HECTD4: variants seen among roughly 807,000 people sequenced by gnomAD.
HECTD4 encodes probable E3 ubiquitin-protein ligase HECTD4.
HECTD4 carries 114 observed loss-of-function variants against 471.5 expected under a neutral mutation model. That is an observed-to-expected ratio of 0.24 (90% confidence interval 0.21 to 0.28). The LOEUF (loss-of-function observed/expected upper bound fraction) is 0.28, where lower values mean the gene tolerates loss of function less well. Among genes scored for constraint, HECTD4 ranks in the 10% least tolerant of loss-of-function variants. The pLI, the probability that HECTD4 is intolerant of heterozygous loss-of-function variation, is 1.00. For synonymous variants in HECTD4, 2,012 were observed against 2,256.0 expected (o/e 0.89, Z 3.07); for missense variants, 3,866 against 5,651.5 (o/e 0.68, Z 10.13).
chr12:112,361,007 ATC>A (rs1195535109), intron 1 of HECTD4, among the ~76,000 whole-genome samples: 96 of 151,830 alleles, frequency 6.3e-4, no homozygotes, highest in Non-Finnish European at 9.6e-4. Context: ...AAAAGGTAAG[ATC>A]AAAACAGTAT....
rs763464276 is a variant in HECTD4, at chr12:112,243,574, A to G, written c.4791+46T>C. On this transcript the variant is annotated intron_variant, in intron 31 of 75. Coordinates refer to ENST00000682272, the MANE Select transcript of HECTD4 (RefSeq NM_001388303.1). This position sits in a 1 kb window ranked among gnomAD's most constrained non-coding sequence, Gnocchi z 6.6. ...CCTGCTAACTGCCGCAAGACCCCGC[A>G]TGCTGTTAGGTGCTATTCATCTGGA... The G allele has an allele frequency of 6.2e-7, 1 of 1,603,200 alleles. No individual in the cohort carries two copies. Among genetic ancestry groups the G allele is most frequent in the Non-Finnish European group, 8.5e-7 (1 of 1,174,298 alleles).
chr12:112,268,117 C>T (rs1724235497), intron 13 of HECTD4, among the ~76,000 whole-genome samples: 1 of 152,220 alleles, frequency 6.6e-6, no homozygotes, highest in African/African-American at 2.4e-5. Context: ...AGCTAACACA[C>T]TCAGCCTCTT....
At chr12:112,293,051 G>A (rs1055726590) in intron 7 of HECTD4, among the ~76,000 whole-genome samples, 2 of 151,106 alleles carry the variant, frequency 1.3e-5, no homozygotes, top group African/African-American at 4.9e-5. Context: ...TTTCATGAGG[G>A]ATGTTATTGA....
At chr12:112,201,749 C>G in intron 54 of HECTD4, among the ~76,000 whole-genome samples, 1 of 152,060 alleles carries the variant, frequency 6.6e-6, no homozygotes, top group Non-Finnish European at 1.5e-5. Context: ...TGCTATATTT[C>G]CAGCGCAAAC....
chr12:112,308,006 T>C (rs1210878697), intron 6 of HECTD4, among the ~76,000 whole-genome samples: 1 of 152,282 alleles, frequency 6.6e-6, no homozygotes, highest in South Asian at 2.1e-4. Flanking sequence ...TCAGTTTCCT[T>C]ATCTGTAAGA....
intron 21 of HECTD4, 35 bp downstream of exon 21, chr12:112,256,285 G>A (rs1304031996): frequency 2.8e-6 from 4 of 1,411,676 alleles, no homozygotes; most frequent in African/African-American, 1.5e-5. Context: ...CAGCTTACTC[G>A]AGGTGGAACC....
chr12:112,261,555 C>A, intron 17 of HECTD4, 126 bp from the exon 18 acceptor site: 1 of 968,264 alleles, frequency 1.0e-6, no homozygotes, highest in Non-Finnish European at 1.5e-6. Flanking sequence ...CAGAATAAGC[C>A]CAAAGCAGTA....
At chr12:112,252,968 C>A (rs1003132344) in intron 22 of HECTD4, among the ~76,000 whole-genome samples, 2 of 151,942 alleles carry the variant, frequency 1.3e-5, no homozygotes, top group Non-Finnish European at 2.9e-5. Flanking sequence ...CAGAACCATG[C>A]CCAGCTAATT....
At chr12:112,296,846 G>A (rs2035036110) in intron 7 of HECTD4, among the ~76,000 whole-genome samples, 1 of 150,188 alleles carries the variant, frequency 6.7e-6, no homozygotes, top group South Asian at 2.1e-4. Context: ...GAGGTGCAGT[G>A]GATGTAGGTG....
rs1434453872 is a variant in HECTD4, at chr12:112,188,150, A to G, written c.9472+2636T>C. Among the ~76,000 whole-genome samples, 1 of 151,980 alleles carries G rather than the reference A, an allele frequency of 6.6e-6. No homozygotes were observed. The highest frequency in any genetic ancestry group is 2.4e-5 in the African/African-American group (1 of 41,400). On this transcript the variant is annotated intron_variant, in intron 60 of 75. Transcript: ENST00000682272. The surrounding 1 kb of genome is among the most constrained non-coding windows in gnomAD (Gnocchi z 4.2). ...AAAAATACAAAAAAATTAGCTGGGC[A>G]TGGTAGCGGGCGCCTGTATTCCCAA... is the stretch of plus-strand genomic sequence containing the variant.
intron 32 of HECTD4, among the ~76,000 whole-genome samples, chr12:112,240,983 C>T (rs1356855422): frequency 6.6e-6 from 1 of 152,002 alleles, no homozygotes; most frequent in Non-Finnish European, 1.5e-5. Context: ...TTTATAAAAG[C>T]AAAAACAAGA....
intron 55 of HECTD4, among the ~76,000 whole-genome samples, chr12:112,196,469 G>C (rs1412824768): frequency 6.6e-6 from 1 of 152,130 alleles, no homozygotes; most frequent in East Asian, 1.9e-4. Flanking sequence ...CATTAACAAA[G>C]CACATGAGGA....
intron 29 of HECTD4, among the ~76,000 whole-genome samples, chr12:112,246,303 T>C (rs2033759929): frequency 6.6e-6 from 1 of 152,142 alleles, no homozygotes; most frequent in Non-Finnish European, 1.5e-5. Context: ...TGTTGACTAA[T>C]TGTATATGTT....
chr12:112,166,715 A>G lies in HECTD4; in HGVS notation c.12534+602T>C, dbSNP rs1314606833. ...TCCGCCCTCCAACATGAAGGAGACGAGCCTGGACACTCCCTGAGGACAGGG... is the reference window on the plus strand; with the variant it reads ...TCCGCCCTCCAACATGAAGGAGACGGGCCTGGACACTCCCTGAGGACAGGG... On this transcript the variant is annotated intron_variant, in intron 72 of 75. Coordinates refer to ENST00000682272, the MANE Select transcript of HECTD4 (RefSeq NM_001388303.1). This position sits in a 1 kb window ranked among gnomAD's most constrained non-coding sequence, Gnocchi z 4.6. 2.6e-5 allele frequency: 4 copies of G among 152,312 alleles called. No individual in the cohort carries two copies. The highest frequency in any genetic ancestry group is 9.7e-5 in the African/African-American group (4 of 41,434). The allele number at this position is 152,312 out of a possible 1,614,324, so 9.4% of individuals were successfully genotyped here.
intron 1 of HECTD4, among the ~76,000 whole-genome samples, chr12:112,350,966 T>C (rs2036239336): frequency 6.6e-6 from 1 of 152,222 alleles, no homozygotes; most frequent in East Asian, 1.9e-4. Flanking sequence ...AAGAGCTTAA[T>C]TCCATGTCAG....
At chr12:112,379,727 A>T (rs879857005) in intron 1 of HECTD4, among the ~76,000 whole-genome samples, 1 of 150,420 alleles carries the variant, frequency 6.6e-6, no homozygotes, top group Non-Finnish European at 1.5e-5. Context: ...TTATATATAT[A>T]TATATATATG....
chr12:112,373,385 T>G lies in HECTD4; in HGVS notation c.177+8567A>C, dbSNP rs575205366. 2.0e-5 allele frequency among the ~76,000 whole-genome samples: 3 copies of G among 151,794 alleles called. No individual in the cohort carries two copies. In the East Asian group the frequency reaches 5.9e-4, roughly 30 times the overall value. On this transcript the variant is annotated intron_variant, in intron 1 of 75. Coordinates refer to ENST00000682272, the MANE Select transcript of HECTD4 (RefSeq NM_001388303.1). ...CCGTCTCTACTAAAAATACAAAAAA[T>G]AGCCAGGTGTGGTGGCACGGGAGTT...
At chr12:112,258,636 G>T in intron 19 of HECTD4, 40 bp from the exon 20 acceptor site, 1 of 1,516,666 alleles carries the variant, frequency 6.6e-7, no homozygotes, top group Non-Finnish European at 8.9e-7. Flanking sequence ...CAGGGCTACT[G>T]TCAGTTATCT....
At position 112,171,253 on chromosome 12, in the gene HECTD4, G is replaced by A. The variant is rs775401724; in HGVS notation, c.11796C>T (p.Ile3932=). 9.3e-6 allele frequency: 15 copies of A among 1,605,528 alleles called. No individual in the cohort carries two copies. The highest frequency in any genetic ancestry group is 4.5e-5 in the South Asian group (4 of 89,562). Residue 3932 remains isoleucine, a synonymous_variant, in exon 68 of 76, where the codon ATC becomes ATT. Coordinates refer to ENST00000682272, the MANE Select transcript of HECTD4 (RefSeq NM_001388303.1). ...PRVACLLNVP[I]ESLRLRFALL... The stretch of plus-strand genomic sequence containing the variant: ...AGGCGAAGCGCAGGCGCAGGCTCTC[G>A]ATGGGCACGTCTGAGGGCGCAGGAG...
Sources: gnomAD v4.1 joint callset for allele counts (sites outside exome capture counted in the v4.1 genomes callset) on GRCh38, gnomAD v4.1.1 for gene constraint, Gnocchi (gnomAD v3.1) non-coding constraint, MANE v1.5 for transcripts, NCBI Gene and HGNC (gene_info 2026-07-23, HGNC 2026-07-21) for gene names.